The following MEGF11 variants were observed in gnomAD, a reference collection of about 807,000 sequenced individuals.
MEGF11 encodes the protein multiple EGF like domains 11, also known as multiple epidermal growth factor-like domains protein 11.
MEGF11 carries 126 observed loss-of-function variants against 146.6 expected under a neutral mutation model. That is an observed-to-expected ratio of 0.86 (90% CI 0.74 to 1.00). The LOEUF is 1.00. MEGF11 is among the 50% of genes least tolerant of loss of function. The probability of loss-of-function intolerance (pLI) is 0.00; values close to 1 mark genes in which losing one functional copy is unlikely to be tolerated. For missense variants in MEGF11, 1,509 were observed against 1,521.2 expected, an observed-to-expected ratio of 0.99 and a Z score of 0.13; for synonymous variants, 532 against 583.4, an observed-to-expected ratio of 0.91 and a Z score of 1.27.
intron 1 of MEGF11, among the ~76,000 whole-genome samples, chr15:66,189,046 C>A (rs1448507764): frequency 2.0e-5 from 3 of 152,012 alleles, no homozygotes; most frequent in Non-Finnish European, 4.4e-5. Context: ...TTTAAACAAA[C>A]AAATAATACA....
chr15:66,085,813 C>T (rs1337168281), intron 5 of MEGF11, among the ~76,000 whole-genome samples: 3 of 152,116 alleles, frequency 2.0e-5, no homozygotes, highest in Non-Finnish European at 2.9e-5. Flanking sequence ...GCAATGGATC[C>T]AAACCAAGAA....
At chr15:65,912,058 G>T (rs2078829530) in intron 21 of MEGF11, 24 bp downstream of exon 21, 3 of 1,194,862 alleles carry the variant, frequency 2.5e-6, no homozygotes, top group African/African-American at 1.6e-5. Context: ...GTGAGTGGGG[G>T]CTGGGGAATC....
intron 1 of MEGF11, among the ~76,000 whole-genome samples, chr15:66,146,543 C>A (rs2089378178): frequency 6.6e-6 from 1 of 152,274 alleles, no homozygotes; most frequent in South Asian, 2.1e-4. Context: ...GCATGCCTTC[C>A]CGTGGCTCTG....
intron 5 of MEGF11, among the ~76,000 whole-genome samples, chr15:66,048,824 C>T (rs1043442108): frequency 1.3e-5 from 2 of 152,190 alleles, no homozygotes; most frequent in Non-Finnish European, 2.9e-5. Context: ...AACGCTATCC[C>T]CTTGTAGAAA....
chr15:66,172,282 G>A (rs1214537964), intron 1 of MEGF11, among the ~76,000 whole-genome samples: 1 of 152,202 alleles, frequency 6.6e-6, no homozygotes. Context: ...CTCTCACCCT[G>A]CCTCCCTCCA....
intron 1 of MEGF11, among the ~76,000 whole-genome samples, chr15:66,141,825 C>T (rs1251531864): frequency 6.6e-6 from 1 of 152,158 alleles, no homozygotes; most frequent in Non-Finnish European, 1.5e-5. Flanking sequence ...ATCCCTTGGC[C>T]TAACATCATC....
At chr15:65,913,666 C>T (rs1237244013) in intron 20 of MEGF11, 71 bp downstream of exon 20, 4 of 1,383,954 alleles carry the variant, frequency 2.9e-6, no homozygotes, top group Non-Finnish European at 4.0e-6. Context: ...GCCAACCCTA[C>T]AGGCACAACC....
At chr15:66,223,716 C>CAA (rs1372448287) in intron 1 of MEGF11, among the ~76,000 whole-genome samples, 12 of 151,944 alleles carry the variant, frequency 7.9e-5, no homozygotes, top group African/African-American at 2.9e-4. Context: ...GAGCAAGGCT[C>CAA]AGTCTCAAAA....
chr15:66,252,139 G>C (rs959181142), intron 1 of MEGF11, among the ~76,000 whole-genome samples: 3 of 152,212 alleles, frequency 2.0e-5, no homozygotes, highest in Non-Finnish European at 4.4e-5. Flanking sequence ...CGGCGAATCC[G>C]GCCCCTCCGA....
chr15:66,179,828 C>G (rs1374117004), intron 1 of MEGF11, among the ~76,000 whole-genome samples: 1 of 148,788 alleles, frequency 6.7e-6, no homozygotes, highest in Non-Finnish European at 1.5e-5. Context: ...CCCACCCCCA[C>G]CAACACACAG....
intron 1 of MEGF11, among the ~76,000 whole-genome samples, chr15:66,175,150 C>T (rs1370253066): frequency 6.6e-6 from 1 of 152,128 alleles, no homozygotes; most frequent in Non-Finnish European, 1.5e-5. Context: ...CAAAGAGTGA[C>T]AATTTTACTT....
chr15:65,944,929 C>G (rs1484138834), intron 10 of MEGF11, among the ~76,000 whole-genome samples: 1 of 146,488 alleles, frequency 6.8e-6, no homozygotes, highest in African/African-American at 2.5e-5. Flanking sequence ...GATGGAGTCT[C>G]ACTCTGTCAC....
chr15:65,918,615 T>C (rs1054666859), intron 15 of MEGF11, among the ~76,000 whole-genome samples: 1 of 152,262 alleles, frequency 6.6e-6, no homozygotes, highest in African/African-American at 2.4e-5. Context: ...CCTGCCTGCC[T>C]CTTTCCTCTG....
Position 66,119,146 on chromosome 15 carries a change from T to G in MEGF11, c.241A>C (p.Met81Leu). The part of the protein sequence containing the change: ...KTAYRRGLRT[M>L]YRRRSQCCPG... Reference sequence around the variant, plus strand: ...CAGCACTGGGACCTCCGCCGGTACATGGTCCGGAGGCCTCTCCGATACGCC... The same window carrying G: ...CAGCACTGGGACCTCCGCCGGTACAGGGTCCGGAGGCCTCTCCGATACGCC... The change falls in exon 4 of 26, where the codon ATG becomes CTG. Residue 81 changes from methionine to leucine, a missense_variant. Met to Leu is a conservative substitution (Grantham distance 15). Coordinates refer to ENST00000395614, the MANE Select transcript of MEGF11 (RefSeq NM_001385028.1). 1 of 1,551,668 alleles carries G rather than the reference T, an allele frequency of 6.4e-7. No homozygotes were observed.
At chr15:66,045,699 G>A (rs1468807917) in intron 5 of MEGF11, among the ~76,000 whole-genome samples, 4 of 152,328 alleles carry the variant, frequency 2.6e-5, no homozygotes, top group African/African-American at 7.2e-5. Flanking sequence ...CAACTGCAGT[G>A]CTTTATGTGG....
At chr15:66,067,450 A>G (rs59149439) in intron 5 of MEGF11, among the ~76,000 whole-genome samples, 4,669 of 152,314 alleles carry the variant, frequency 0.031, 236 homozygotes, top group African/African-American at 0.11. Flanking sequence ...GCCCACAGCA[A>G]TTACAGGACT....
chr15:66,166,453 G>C (rs868573510), intron 1 of MEGF11, among the ~76,000 whole-genome samples: 1 of 152,130 alleles, frequency 6.6e-6, no homozygotes, highest in African/African-American at 2.4e-5. Flanking sequence ...CTACTCAGCA[G>C]CCAGGGAGAG....
intron 16 of MEGF11, 72 bp downstream of exon 16, chr15:65,917,894 G>T: frequency 1.3e-6 from 2 of 1,598,780 alleles, no homozygotes; most frequent in African/African-American, 1.3e-5. Context: ...GGACAGAGAG[G>T]TTTTGGGCAA....
intron 4 of MEGF11, among the ~76,000 whole-genome samples, chr15:66,108,312 G>T (rs1237632104): frequency 1.3e-5 from 2 of 152,164 alleles, no homozygotes; most frequent in Non-Finnish European, 2.9e-5. Context: ...TGGATTGAAG[G>T]TGCCTCCAAT....
Sources: gnomAD v4.1 joint callset for allele counts (sites outside exome capture counted in the v4.1 genomes callset) on GRCh38, gnomAD v4.1.1 for gene constraint, MANE v1.5 for transcripts, NCBI Gene and HGNC (gene_info 2026-07-23, HGNC 2026-07-21) for gene names.